Variants in MYH7B observed in about 807,000 individuals in gnomAD.
The protein encoded by MYH7B is myosin-7B.
In MYH7B, 205 loss-of-function variants were observed where a neutral mutation model predicts 234.5. That is an observed-to-expected ratio of 0.87 (90% CI 0.78 to 0.98). The LOEUF is 0.98. Among genes scored for constraint, MYH7B ranks in the 50% least tolerant of loss-of-function variants. The pLI, the probability that MYH7B is intolerant of heterozygous loss-of-function variation, is 0.00. For missense variants in MYH7B, 2,652 were observed against 2,633.4 expected, an observed-to-expected ratio of 1.01 and a Z score of -0.15; for synonymous variants, 1,193 against 1,105.0, an observed-to-expected ratio of 1.08 and a Z score of -1.58.
chr20:34,973,124 C>T (rs2081807827), intron 2 of MYH7B, among the ~76,000 whole-genome samples: 1 of 152,202 alleles, frequency 6.6e-6, no homozygotes, highest in Non-Finnish European at 1.5e-5. Context: ...TGAAGCCCTT[C>T]ACACTCCAGT....
At chr20:34,968,734 G>A (rs2081765695) in intron 2 of MYH7B, among the ~76,000 whole-genome samples, 1 of 152,208 alleles carries the variant, frequency 6.6e-6, no homozygotes, top group South Asian at 2.1e-4. Context: ...TTCCAGCTGT[G>A]CAGCAAGGGG....
chr20:34,993,262 T>G, intron 25 of MYH7B, 37 bp downstream of exon 25: 1 of 1,613,952 alleles, frequency 6.2e-7, no homozygotes, highest in Non-Finnish European at 8.5e-7. Context: ...GCCATGGCTG[T>G]GGCGGTCACA....
intron 2 of MYH7B, among the ~76,000 whole-genome samples, chr20:34,971,279 A>G (rs369439569): frequency 1.1e-4 from 17 of 152,230 alleles, no homozygotes; most frequent in African/African-American, 2.2e-4. Flanking sequence ...TCATCCTCCA[A>G]TGATGTCAGG....
chr20:34,957,484 CTTTTTTTT>C (rs71196770), intron 1 of MYH7B, among the ~76,000 whole-genome samples: 3 of 104,338 alleles, frequency 2.9e-5, no homozygotes, highest in East Asian at 2.8e-4. Flanking sequence ...CCTTTTGACT[CTTTTTTTT>C]TTTTTTTTTT....
At chr20:34,994,595 C>T (rs575924189) in intron 27 of MYH7B, among the ~76,000 whole-genome samples, 194 bp downstream of exon 27, 5 of 152,336 alleles carry the variant, frequency 3.3e-5, no homozygotes, top group African/African-American at 1.2e-4. Context: ...GGCACTCTCC[C>T]CTCGTGCCAC....
exon 6 of MYH7B, chr20:34,979,465 G>C (rs763943886): frequency 1.2e-6 from 2 of 1,613,830 alleles, no homozygotes; most frequent in South Asian, 1.1e-5. Flanking sequence ...GCTACCGGGG[G>C]CAGAGTCACC....
intron 15 of MYH7B, 71 bp from the exon 16 acceptor site, chr20:34,987,078 C>A: frequency 1.2e-6 from 2 of 1,608,950 alleles, no homozygotes; most frequent in Non-Finnish European, 1.7e-6. Flanking sequence ...TGAATGGTCC[C>A]GGGGCAGTGC....
chr20:34,987,545 G>T lies in MYH7B; in HGVS notation c.1148-12G>T, dbSNP rs202050884. The T allele has an allele frequency of 3.1e-6, 4 of 1,288,548 alleles. No individual in the cohort carries two copies. In the South Asian group the frequency reaches 3.8e-5, roughly 12 times the overall value. 79.8% of individuals were successfully genotyped at this position (1,288,548 alleles called of 1,614,324 possible). On this transcript the variant is annotated splice_polypyrimidine_tract_variant and intron_variant, in intron 16 of 44. Coordinates refer to ENST00000262873, the Ensembl canonical transcript of MYH7B. ...GGTGTCCTCCTCCCTTACCCCACTC[G>T]TGCCCTGCCAGGTGCTGACAAGGCT...
chr20:34,985,262 A>G, intron 13 of MYH7B, 133 bp downstream of exon 13: 1 of 780,348 alleles, frequency 1.3e-6, no homozygotes, highest in Non-Finnish European at 2.2e-6. Flanking sequence ...GCTGCTGCCC[A>G]GCTCAGGCCA....
chr20:34,986,179 G>A (rs1230684191), exon 14 of MYH7B: 1 of 1,595,880 alleles, frequency 6.3e-7, no homozygotes, highest in Non-Finnish European at 8.5e-7. Context: ...TCCTCTCAGG[G>A]AGGAAGCCAG....
At chr20:34,963,196 C>A (rs1216090136) in intron 2 of MYH7B, among the ~76,000 whole-genome samples, 1 of 152,218 alleles carries the variant, frequency 6.6e-6, no homozygotes, top group Non-Finnish European at 1.5e-5. Context: ...ACAGTTGAAA[C>A]ATTGTTTTCA....
intron 2 of MYH7B, among the ~76,000 whole-genome samples, chr20:34,971,839 G>T (rs767369964): frequency 6.6e-6 from 1 of 152,196 alleles, no homozygotes; most frequent in Non-Finnish European, 1.5e-5. Context: ...CCCAACTCCT[G>T]CAGGATAAAG....
At chr20:34,997,888 A>G (rs554050560) in intron 32 of MYH7B, among the ~76,000 whole-genome samples, 8 of 152,106 alleles carry the variant, frequency 5.3e-5, no homozygotes, top group African/African-American at 1.9e-4. Context: ...AGACCCTTGA[A>G]CCAGCAGTAG....
chr20:34,981,335 C>G, intron 9 of MYH7B: 1 of 417,480 alleles, frequency 2.4e-6, no homozygotes. Context: ...CTGGAATCTC[C>G]CACCTTGATC....
intron 2 of MYH7B, among the ~76,000 whole-genome samples, chr20:34,962,918 C>T (rs1477376318): frequency 1.3e-5 from 2 of 152,066 alleles, no homozygotes; most frequent in African/African-American, 2.4e-5. Context: ...GCCAACATGG[C>T]GAAAACCCAT....
intron 3 of MYH7B, 106 bp from the exon 4 acceptor site, chr20:34,977,526 C>A: frequency 9.7e-7 from 1 of 1,029,864 alleles, no homozygotes; most frequent in Non-Finnish European, 1.5e-6. Flanking sequence ...AGGGGCCGTG[C>A]TGGTGGAGAT....
At chr20:35,002,413 A>AAAT in exon 45 of MYH7B, 2 of 425,528 alleles carry the variant, frequency 4.7e-6, no homozygotes, top group East Asian at 3.5e-5. Flanking sequence ...GTCATTTTTA[A>AAAT]AATAAAGTTA....
At chr20:34,969,537 C>T (rs554684235) in intron 2 of MYH7B, among the ~76,000 whole-genome samples, 121 of 148,440 alleles carry the variant, frequency 8.2e-4, no homozygotes, top group Middle Eastern at 3.5e-3. Flanking sequence ...CATTCTTCTG[C>T]TCCTTTTTTT....
At chr20:34,956,037 G>C (rs1270284537) in intron 1 of MYH7B, 30 bp downstream of exon 1, 1 of 152,328 alleles carries the variant, frequency 6.6e-6, no homozygotes, top group Non-Finnish European at 1.5e-5. Context: ...CGTCAGAGCT[G>C]ACGACGACTA....
Sources: allele counts gnomAD v4.1 joint callset (sites outside exome capture counted in the v4.1 genomes callset), GRCh38; gene constraint gnomAD v4.1.1; transcripts MANE v1.5; gene names NCBI Gene and HGNC (gene_info 2026-07-23, HGNC 2026-07-21).